The following NOL7 variants were observed in gnomAD, a reference collection of about 807,000 sequenced individuals.
NOL7 encodes U3 small nucleolar RNA-associated protein NOL7.
NOL7 carries 36 observed loss-of-function variants against 38.4 expected under a neutral mutation model. The ratio of observed to expected loss-of-function variants is 0.94; its 90% CI spans 0.72 to 1.24. The LOEUF (loss-of-function observed/expected upper bound fraction) is 1.24. Ranked by LOEUF, NOL7 falls within the 50% of genes most tolerant of loss-of-function variation. The pLI, the probability that NOL7 is intolerant of heterozygous loss-of-function variation, is 0.00. For missense variants in NOL7, 350 were observed against 315.1 expected (o/e 1.11, Z -0.84); for synonymous variants, 142 against 126.5 (o/e 1.12, Z -0.82).
At chr6:13,631,459 A>G (rs1012980623) in intron 8 of NOL7, among the ~76,000 whole-genome samples, 3 of 152,194 alleles carry the variant, frequency 2.0e-5, no homozygotes, top group African/African-American at 7.2e-5. Flanking sequence ...CAATGAGCAT[A>G]TCCTTGTGTA....
At chr6:13,630,661 T>C (rs1764753600) in intron 8 of NOL7, among the ~76,000 whole-genome samples, 1 of 152,210 alleles carries the variant, frequency 6.6e-6, no homozygotes, top group Non-Finnish European at 1.5e-5. Context: ...AAGATGTTCC[T>C]TGCCCTTTTC....
Position 13,616,463 on chromosome 6 carries a change from A to C in NOL7, c.328A>C (p.Lys110Gln). The change falls in exon 3 of 8, where the codon AAA becomes CAA. Residue 110 changes from lysine to glutamine, a missense_variant and splice_region_variant. Coordinates refer to ENST00000451315, the MANE Select transcript of NOL7 (RefSeq NM_016167.5). Reference sequence around the variant, plus strand: ...ATTTTAAACGTTTTCATTCCAAAAGAAAAGAAAACTCCTTCCAGACACTAT... The same window carrying C: ...ATTTTAAACGTTTTCATTCCAAAAGCAAAGAAAACTCCTTCCAGACACTAT... The part of the protein sequence containing the change: ...RREELFIEQK[K>Q]RKLLPDTILE... 1 of 1,603,428 alleles carries C rather than the reference A, an allele frequency of 6.2e-7. No homozygotes were observed. Among genetic ancestry groups the C allele is most frequent in the Non-Finnish European group, 8.5e-7 (1 of 1,173,598 alleles).
intron 7 of NOL7, 108 bp downstream of exon 7, chr6:13,620,593 ATATT>A (rs1308050645): frequency 5.2e-6 from 6 of 1,155,404 alleles, no homozygotes; most frequent in South Asian, 1.4e-5. Context: ...AATGGCTTAT[ATATT>A]AAGTTACTTG....
In NOL7 at chr6:13,615,401, G is replaced by A. The variant is rs1162944957; in HGVS notation, c.43G>A (p.Ala15Thr). ...GCGAGCGTCTCGCGCCCCGGCGTCGGCGGAGGCGATGGTGGACGAGGGCCA... is the reference window on the plus strand; with the variant it reads ...GCGAGCGTCTCGCGCCCCGGCGTCGACGGAGGCGATGGTGGACGAGGGCCA... ...RPRASRAPAS[A>T]EAMVDEGQLA... Residue 15 changes from alanine (A) to threonine (T), a missense_variant, in exon 1 of 8, where the codon GCG becomes ACG. Coordinates refer to ENST00000451315, the MANE Select transcript of NOL7 (RefSeq NM_016167.5). The A allele has an allele frequency of 6.5e-7, 1 of 1,536,514 alleles. No individual in the cohort carries two copies. The highest frequency in any genetic ancestry group is 8.8e-7 in the Non-Finnish European group (1 of 1,142,216).
In NOL7 at chr6:13,618,084, T is replaced by C; in HGVS notation, c.445T>C (p.Cys149Arg). The C allele has an allele frequency of 1.9e-6, 3 of 1,573,122 alleles. No individual in the cohort carries two copies. The highest frequency in any genetic ancestry group is 2.6e-6 in the Non-Finnish European group (3 of 1,145,560). Reference protein sequence around the residue: ...EVNLQKKNEDCEKGNDSKKVK... With the variant: ...EVNLQKKNEDREKGNDSKKVK... Reference sequence around the variant, plus strand: ...TAATTTGCAAAAGAAAAATGAAGACTGTGAAAAAGGAAATGACTCCAAGAA... The same window carrying C: ...TAATTTGCAAAAGAAAAATGAAGACCGTGAAAAAGGAAATGACTCCAAGAA... The change falls in exon 5 of 8, where the codon TGT becomes CGT. Residue 149 changes from cysteine (C) to arginine (R), a missense_variant. Cys to Arg is a radical substitution (Grantham distance 180). Transcript: ENST00000451315.
Position 13,615,720 on chromosome 6 carries a change from C to A in NOL7, c.275C>A (p.Thr92Lys), listed in dbSNP as rs1474446328. Residue 92 changes from threonine (T) to lysine (K), a missense_variant, in exon 2 of 8, where the codon ACG becomes AAG. Physicochemically the swap from Thr to Lys is moderately conservative, Grantham distance 78. Transcript: ENST00000451315. ...RVRETVRRDK[T>K]LLKEKRKRRE... ...ATCACCCTTCCTCCCAGGGATAAAA[C>A]GCTCCTGAAGGAGAAGAGGAAGCGA... The A allele has an allele frequency of 1.2e-6, 2 of 1,614,112 alleles. No homozygotes were observed. Among genetic ancestry groups the A allele is most frequent in the Admixed American group, 1.7e-5 (1 of 60,012 alleles).
chr6:13,622,855 T>C (rs986439142), downstream of NOL7, among the ~76,000 whole-genome samples: 4 of 152,236 alleles, frequency 2.6e-5, no homozygotes, highest in African/African-American at 9.6e-5. Context: ...CAGTTGATAC[T>C]AACTAAAACT....
chr6:13,629,865 A>G (rs993269828), intron 8 of NOL7, among the ~76,000 whole-genome samples: 1 of 149,126 alleles, frequency 6.7e-6, no homozygotes, highest in Non-Finnish European at 1.5e-5. Flanking sequence ...ACATTAATCA[A>G]ATCTCTCAAT....
chr6:13,617,804 A>ATGAC lies in NOL7; in HGVS notation c.418+5_418+8dup. 6.2e-7 allele frequency: 1 copy of ATGAC among 1,613,312 alleles called. No individual in the cohort carries two copies. Among genetic ancestry groups the ATGAC allele is most frequent in the Non-Finnish European group, 8.5e-7 (1 of 1,179,212 alleles). On this transcript the variant is annotated splice_donor_region_variant and intron_variant, in intron 4 of 7. Transcript: ENST00000451315. The stretch of plus-strand genomic sequence containing the variant: ...ATCGCCAGGAAAGGTGAAAGAAGGT[A>ATGAC]TGACTATTCTAATTTAACTAACTTC...
Position 13,617,763 on chromosome 6 carries a change from T to G in NOL7, c.387-7T>G. The G allele has an allele frequency of 1.9e-6, 3 of 1,613,742 alleles. No homozygotes were observed. Among genetic ancestry groups the G allele is most frequent in the Non-Finnish European group, 8.5e-7 (1 of 1,179,630 alleles). On this transcript the variant is annotated splice_polypyrimidine_tract_variant and splice_region_variant and intron_variant, in intron 3 of 7. Transcript: ENST00000451315. ...TTGCAGTCAGTGGTTTTGTTTTTTT[T>G]CCTTAGCATCAAGAAATCGCCAGGA...
At chr6:13,620,612 A>G in intron 7 of NOL7, 127 bp downstream of exon 7, 1 of 1,063,016 alleles carries the variant, frequency 9.4e-7, no homozygotes, top group South Asian at 1.5e-5. Context: ...TACTTGTGAA[A>G]AACAGGTCAA....
chr6:13,618,321 C>T (rs1342006922), intron 5 of NOL7, 182 bp downstream of exon 5: 2 of 199,422 alleles, frequency 1.0e-5, no homozygotes, highest in African/African-American at 2.3e-5. Context: ...AATCTCGGCT[C>T]ACTGCAAGCT....
chr6:13,630,049 AAG>A (rs1360732616), intron 8 of NOL7, among the ~76,000 whole-genome samples: 1 of 152,076 alleles, frequency 6.6e-6, no homozygotes, highest in Non-Finnish European at 1.5e-5. Context: ...AAGTGACAAA[AAG>A]AAGTGGAATG....
At chr6:13,623,016 A>C (rs1159063822), downstream of NOL7, among the ~76,000 whole-genome samples, 1 of 151,780 alleles carries the variant, frequency 6.6e-6, no homozygotes, top group East Asian at 1.9e-4. Flanking sequence ...GGTGACAGTG[A>C]GAGAACATAC....
At position 13,615,444 on chromosome 6, in the gene NOL7, A is replaced by AGGAGGC. The variant is rs1764248904; in HGVS notation, c.91_96dup (p.Ala31_Glu32dup). On this transcript the variant is annotated inframe_insertion, in exon 1 of 8. Transcript: ENST00000451315. ...GAGGGCCAGCTGGCCTCGGAGGAGG[A>AGGAGGC]GGAGGCGGAGCACGGGCTGTTGCTC... 1.3e-6 allele frequency: 2 copies of AGGAGGC among 1,549,498 alleles called. No individual in the cohort carries two copies. Among genetic ancestry groups the AGGAGGC allele is most frequent in the East Asian group, 4.9e-5 (2 of 40,938 alleles).
Position 13,615,730 on chromosome 6 carries a change from G to A in NOL7, c.285G>A (p.Lys95=). ...ETVRRDKTLL[K]EKRKRREELF... is the part of the protein sequence containing the mutation. ...CTCCCAGGGATAAAACGCTCCTGAA[G>A]GAGAAGAGGAAGCGACGCGAGGAGC... is the stretch of plus-strand genomic sequence containing the variant. The change falls in exon 2 of 8, where the codon AAG becomes AAA. Residue 95 remains lysine (K), a synonymous_variant. Transcript: ENST00000451315. 4.3e-6 allele frequency: 7 copies of A among 1,614,236 alleles called. No individual in the cohort carries two copies. The highest frequency in any genetic ancestry group is 5.9e-6 in the Non-Finnish European group (7 of 1,180,030).
In NOL7 at chr6:13,621,139, T is replaced by C. The variant is rs1764432772; in HGVS notation, c.*312T>C. 1 of 177,380 alleles carries C rather than the reference T, an allele frequency of 5.6e-6. No homozygotes were observed. The highest frequency in any genetic ancestry group is 5.9e-5 in the Admixed American group (1 of 17,050). 11.0% of individuals were successfully genotyped at this position (177,380 alleles called of 1,614,324 possible). On this transcript the variant is annotated 3_prime_UTR_variant, in exon 8 of 8. Coordinates refer to ENST00000451315, the MANE Select transcript of NOL7 (RefSeq NM_016167.5). ...CACGGACTAAAAGGAGAAATGGATA[T>C]TCCAGCAAAGTCTCTAACTGCAGCC...
At chr6:13,628,429 T>A (rs1168948790) in intron 8 of NOL7, among the ~76,000 whole-genome samples, 1 of 152,182 alleles carries the variant, frequency 6.6e-6, no homozygotes, top group East Asian at 1.9e-4. Context: ...GTTGGAAACA[T>A]GGGTAGGGGT....
downstream of NOL7, chr6:13,622,229 G>A (rs1764471152): frequency 3.4e-6 from 3 of 880,348 alleles, no homozygotes; most frequent in Admixed American, 1.1e-4. Context: ...TGTAAACTAG[G>A]AAGCAATGTA....
Sources: gnomAD v4.1 joint callset for allele counts (sites outside exome capture counted in the v4.1 genomes callset) on GRCh38, gnomAD v4.1.1 for gene constraint, MANE v1.5 for transcripts, NCBI Gene and HGNC (gene_info 2026-07-23, HGNC 2026-07-21) for gene names.